The following BTBD8 variants were observed in gnomAD, a reference collection of about 807,000 sequenced individuals.
The protein encoded by BTBD8 is BTB domain containing 8.
A neutral mutation model predicts 162.9 loss-of-function variants in BTBD8; 110 were observed. The observed-to-expected ratio is 0.68, with a 90% confidence interval of 0.58 to 0.79. The LOEUF is 0.79. BTBD8 is among the 30% of genes least tolerant of loss of function. The probability of loss-of-function intolerance (pLI) is 0.00; values close to 1 mark genes in which losing one functional copy is unlikely to be tolerated. For synonymous variants in BTBD8, 667 were observed against 716.1 expected (o/e 0.93, Z 1.10); for missense variants, 1,905 against 2,085.4 (o/e 0.91, Z 1.68).
At chr1:92,169,990 G>T (rs373045998) in intron 12 of BTBD8, among the ~76,000 whole-genome samples, 91 of 152,128 alleles carry the variant, frequency 6.0e-4, no homozygotes, top group South Asian at 2.5e-3. Context: ...TTAAATGATG[G>T]TTTATTTTTA....
rs1649928285 is a variant in BTBD8, at chr1:92,146,620, C to T, written c.931-560C>T. Among the ~76,000 whole-genome samples, 4 of 152,302 alleles carry T rather than the reference C, an allele frequency of 2.6e-5. No individual in the cohort carries two copies. The South Asian group carries it at 8.3e-4, about 32-fold the overall frequency. ...ATGCTCTGACTGCTCATCTTTCCCT[C>T]CCCATTAACCCCCAGCAACCACTGA... On this transcript the variant is annotated intron_variant, in intron 7 of 17. Coordinates refer to ENST00000636805, the MANE Select transcript of BTBD8 (RefSeq NM_001376131.1).
rs1321144029 is a variant in BTBD8 at position 92,178,486 on chromosome 1, A to C, written c.2581+35A>C. The C allele has an allele frequency of 4.6e-6, 7 of 1,511,884 alleles. No individual in the cohort carries two copies. In the Admixed American group the frequency reaches 1.3e-4, roughly 29 times the overall value. The allele number at this position is 1,511,884 out of a possible 1,614,324, so 93.7% of individuals were successfully genotyped here. A position where few individuals can be genotyped will look rare whatever the true frequency, so the allele number is the denominator to read the frequency against. On this transcript the variant is annotated intron_variant, in intron 16 of 17. Coordinates refer to ENST00000636805, the MANE Select transcript of BTBD8 (RefSeq NM_001376131.1). Reference sequence around the variant, plus strand: ...AAATAGTACTGGATATCTTGAAATTATTTCCTTGTGTAAACTGGATAAGCC... The same window carrying C: ...AAATAGTACTGGATATCTTGAAATTCTTTCCTTGTGTAAACTGGATAAGCC...
chr1:92,095,879 C>G (rs1570715931), intron 2 of BTBD8, among the ~76,000 whole-genome samples: 1 of 152,160 alleles, frequency 6.6e-6, no homozygotes, highest in East Asian at 1.9e-4. Flanking sequence ...ATCTTACTCT[C>G]TAACTTCTAC....
chr1:92,096,108 A>G (rs1489939728), intron 2 of BTBD8, among the ~76,000 whole-genome samples: 1 of 151,946 alleles, frequency 6.6e-6, no homozygotes, highest in African/African-American at 2.4e-5. Flanking sequence ...AGTAGCTGGG[A>G]TTACAGGCTC....
At chr1:92,092,260 G>T in intron 2 of BTBD8, among the ~76,000 whole-genome samples, 1 of 152,046 alleles carries the variant, frequency 6.6e-6, no homozygotes, top group Non-Finnish European at 1.5e-5. Flanking sequence ...AAATTAGCTG[G>T]ATGTGGTGGT....
In BTBD8 at chr1:92,182,284, A is replaced by G. The variant is rs1650936434; in HGVS notation, c.4601A>G (p.Glu1534Gly). The G allele has an allele frequency of 5.2e-6, 8 of 1,551,274 alleles. No homozygotes were observed. Among genetic ancestry groups the G allele is most frequent in the Non-Finnish European group, 7.0e-6 (8 of 1,146,814 alleles). The stretch of plus-strand genomic sequence containing the variant: ...AATAAACAGAGTGTTTCAGCCACAG[A>G]AAAAAAGAACACAATAGACGTCCTA... ...RKNKQSVSAT[E>G]KKNTIDVLSS... The change falls in exon 17 of 18, where the codon GAA becomes GGA. Residue 1534 changes from glutamate (E) to glycine (G), a missense_variant. Coordinates refer to ENST00000636805, the MANE Select transcript of BTBD8 (RefSeq NM_001376131.1).
At chr1:92,173,384 G>A (rs1424898277) in intron 13 of BTBD8, among the ~76,000 whole-genome samples, 2 of 152,088 alleles carry the variant, frequency 1.3e-5, no homozygotes, top group Non-Finnish European at 2.9e-5. Flanking sequence ...CATATTATAC[G>A]ATTCCACAGA....
chr1:92,115,850 C>A, intron 4 of BTBD8: 1 of 162,870 alleles, frequency 6.1e-6, no homozygotes, highest in East Asian at 1.6e-4. Context: ...ACGGAAGGAG[C>A]AGATGGCAAG....
At position 92,168,897 on chromosome 1, in the gene BTBD8, A is replaced by T. The variant is rs1650458644; in HGVS notation, c.1475A>T (p.Asp492Val). The T allele has an allele frequency of 6.5e-7, 1 of 1,541,608 alleles. No individual in the cohort carries two copies. Among genetic ancestry groups the T allele is most frequent in the African/African-American group, 1.4e-5 (1 of 72,974 alleles). The change falls in exon 12 of 18, where the codon GAT becomes GTT. Residue 492 changes from aspartate (D) to valine (V), a missense_variant. By Grantham distance (152) the Asp-to-Val change is radical. Coordinates refer to ENST00000636805, the MANE Select transcript of BTBD8 (RefSeq NM_001376131.1). ...ACGTGCAAGATCCAGGCTCTGCGTG[A>T]TAAGCTGTGGATCTTCCTGGTTCAG... is the stretch of plus-strand genomic sequence containing the variant. ...GFTCKIQALR[D>V]KLWIFLVQSF... is the part of the protein sequence containing the mutation.
At chr1:92,156,645 T>C (rs368114482) in intron 9 of BTBD8, among the ~76,000 whole-genome samples, 80 of 152,278 alleles carry the variant, frequency 5.3e-4, no homozygotes, top group South Asian at 2.7e-3. Flanking sequence ...AGATTTTCTA[T>C]TTCTTCATGA....
At chr1:92,150,663 G>C (rs1485700482) in intron 9 of BTBD8, 1 of 152,156 alleles carries the variant, frequency 6.6e-6, no homozygotes, top group Non-Finnish European at 1.5e-5. Flanking sequence ...ACCAACCCTG[G>C]ACAGGATACC....
chr1:92,083,102 C>T (rs1648065130), intron 1 of BTBD8, among the ~76,000 whole-genome samples: 1 of 150,732 alleles, frequency 6.6e-6, no homozygotes, highest in African/African-American at 2.4e-5. Context: ...AGCCACTGCC[C>T]TCCAGTCTGG....
rs533527827 is a variant in BTBD8, at chr1:92,169,063, A to G, written c.1573+68A>G. On this transcript the variant is annotated intron_variant, in intron 12 of 17. Transcript: ENST00000636805. The stretch of plus-strand genomic sequence containing the variant: ...TTGTGACAGCAGATATTTTGAGGGC[A>G]TTCTGATAAGTGAAAAGGTTAACAT... 23 of 1,401,090 alleles carry G rather than the reference A, an allele frequency of 1.6e-5. No individual in the cohort carries two copies. In the East Asian group the frequency reaches 5.6e-4, roughly 34 times the overall value. The allele number at this position is 1,401,090 out of a possible 1,614,324, so 86.8% of individuals were successfully genotyped here. A position where few individuals can be genotyped will look rare whatever the true frequency, so the allele number is the denominator to read the frequency against.
At chr1:92,155,674 A>G (rs1307727101) in intron 9 of BTBD8, among the ~76,000 whole-genome samples, 2 of 152,176 alleles carry the variant, frequency 1.3e-5, no homozygotes, top group East Asian at 3.9e-4. Context: ...AGATAAGTTT[A>G]TTCTTAAGTA....
Position 92,088,799 on chromosome 1 carries a change from A to G in BTBD8, c.251A>G (p.Tyr84Cys), listed in dbSNP as rs149705616. 5.6e-6 allele frequency: 9 copies of G among 1,613,316 alleles called. No homozygotes were observed. The highest frequency in any genetic ancestry group is 4.5e-5 in the East Asian group (2 of 44,748). Residue 84 changes from tyrosine (Y) to cysteine (C), a missense_variant, in exon 2 of 18, where the codon TAT becomes TGT. By Grantham distance (194) the Tyr-to-Cys change is radical. Coordinates refer to ENST00000636805, the MANE Select transcript of BTBD8 (RefSeq NM_001376131.1). ...AVLLARVPDF[Y>C]FHTIGQTSNS... ...CTTTTAGCAAGAGTTCCTGACTTCT[A>G]TTTTCATACTATTGGACAGACATCA...
intron 4 of BTBD8, among the ~76,000 whole-genome samples, chr1:92,113,643 G>GT (rs1243216516): frequency 6.6e-6 from 1 of 152,104 alleles, no homozygotes; most frequent in African/African-American, 2.4e-5. Context: ...AGCTTCTGGT[G>GT]AGATGACCTT....
chr1:92,086,793 A>G (rs1648173333), intron 1 of BTBD8, among the ~76,000 whole-genome samples: 1 of 152,144 alleles, frequency 6.6e-6, no homozygotes, highest in East Asian at 1.9e-4. Context: ...CTATCCTTCT[A>G]CATGTGATGA....
intron 3 of BTBD8, among the ~76,000 whole-genome samples, chr1:92,104,541 T>C (rs1648675574): frequency 6.6e-6 from 1 of 152,218 alleles, no homozygotes; most frequent in Non-Finnish European, 1.5e-5. Flanking sequence ...TACTCTAGTC[T>C]AGAGCTCTGC....
chr1:92,102,697 T>G (rs1648623368), intron 3 of BTBD8, 28 bp downstream of exon 3: 1 of 1,396,048 alleles, frequency 7.2e-7, no homozygotes, highest in Admixed American at 2.7e-5. Flanking sequence ...GAGTTGTATT[T>G]ATAGCCGTAA....
Sources: allele counts gnomAD v4.1 joint callset (sites outside exome capture counted in the v4.1 genomes callset), GRCh38; gene constraint gnomAD v4.1.1; transcripts MANE v1.5; gene names NCBI Gene and HGNC (gene_info 2026-07-23, HGNC 2026-07-21).